The following ANKRD11 variants were observed in gnomAD, a reference collection of about 807,000 sequenced individuals.
ANKRD11 encodes the protein ankyrin repeat domain-containing protein 11.
ANKRD11 carries 17 observed loss-of-function variants against 195.7 expected under a neutral mutation model. The ratio of observed to expected loss-of-function variants is 0.09; its 90% CI spans 0.06 to 0.13. The LOEUF (loss-of-function observed/expected upper bound fraction) is 0.13, where lower values mean the gene tolerates loss of function less well. ANKRD11 is among the 10% of genes least tolerant of loss of function. The probability of loss-of-function intolerance (pLI) is 1.00; values close to 1 mark genes in which losing one functional copy is unlikely to be tolerated. For missense variants in ANKRD11, 3,735 were observed against 3,566.1 expected (o/e 1.05, Z -1.21); for synonymous variants, 1,953 against 1,528.1 (o/e 1.28, Z -6.49).
In ANKRD11 at chr16:89,356,759, C is replaced by T. The variant is rs1597771046; in HGVS notation, c.-59-39681G>A. Among the ~76,000 whole-genome samples, 3 of 132,318 alleles carry T rather than the reference C, an allele frequency of 2.3e-5. No individual in the cohort carries two copies. The South Asian group carries it at 7.0e-4, about 31-fold the overall frequency. 86.8% of individuals were successfully genotyped at this position (132,318 alleles called of 152,430 possible). ...TCGCACCACTGCACTCTAGCCTGGG[C>T]GACACAGCAAGACTCCGTCTCAAAA... On this transcript the variant is annotated intron_variant, in intron 2 of 12. Transcript: ENST00000301030.
rs368667754 is a variant in ANKRD11, at chr16:89,281,357, C to T, written c.5185G>A (p.Ala1729Thr). The T allele has an allele frequency of 3.4e-5, 55 of 1,610,644 alleles. No individual in the cohort carries two copies. The East Asian group carries it at 5.4e-4, about 16-fold the overall frequency. ...AACACGAGGTCCGCGTAGTCATCGG[C>T]GCTGCAGGACGGGGTCCTGGGCGTG... ...MHTPRTPSCS[A>T]DDYADLVFDC... The change falls in exon 9 of 13, where the codon GCC becomes ACC. Residue 1729 changes from alanine (A) to threonine (T), a missense_variant. Physicochemically the swap from Ala to Thr is moderately conservative, Grantham distance 58. Coordinates refer to ENST00000301030, the MANE Select transcript of ANKRD11 (RefSeq NM_013275.6). The surrounding 1 kb of genome is among the most constrained non-coding windows in gnomAD (Gnocchi z 5.5).
chr16:89,480,582 C>G (rs148040867), intron 1 of ANKRD11, among the ~76,000 whole-genome samples: 90 of 152,122 alleles, frequency 5.9e-4, no homozygotes, highest in African/African-American at 2.1e-3. Context: ...AAAACAAAAA[C>G]AAGTCCAAGA....
At position 89,382,511 on chromosome 16, in the gene ANKRD11, G is replaced by C. The variant is rs552044179; in HGVS notation, c.-60+35773C>G. ...TGGCTAATTTTTTGTATTTTTAATA[G>C]AGACGGGATTTCACCATGTTGGCCA... On this transcript the variant is annotated intron_variant, in intron 2 of 12. Coordinates refer to ENST00000301030, the MANE Select transcript of ANKRD11 (RefSeq NM_013275.6). Among the ~76,000 whole-genome samples, 6 of 151,774 alleles carry C rather than the reference G, an allele frequency of 4.0e-5. No individual in the cohort carries two copies. The East Asian group carries it at 1.2e-3, about 30-fold the overall frequency.
At chr16:89,366,479 C>T (rs1259832726) in intron 2 of ANKRD11, among the ~76,000 whole-genome samples, 4 of 152,188 alleles carry the variant, frequency 2.6e-5, no homozygotes, top group Non-Finnish European at 5.9e-5. Flanking sequence ...TCCACAGACT[C>T]GCCAGCATCT....
At chr16:89,359,111 T>A (rs2039616632) in intron 2 of ANKRD11, among the ~76,000 whole-genome samples, 1 of 152,166 alleles carries the variant, frequency 6.6e-6, no homozygotes, top group South Asian at 2.1e-4. Flanking sequence ...CCAAAATATA[T>A]AAAACATCAT....
chr16:89,269,768 G>C (rs2032974432), intron 12 of ANKRD11, among the ~76,000 whole-genome samples: 1 of 152,012 alleles, frequency 6.6e-6, no homozygotes, highest in Non-Finnish European at 1.5e-5. Context: ...GCTAATTTTT[G>C]TATTTTTACT....
At chr16:89,289,577 T>C (rs2034888365) in intron 6 of ANKRD11, among the ~76,000 whole-genome samples, 1 of 152,112 alleles carries the variant, frequency 6.6e-6, no homozygotes, top group African/African-American at 2.4e-5. Flanking sequence ...CCCAGCCCTG[T>C]GAAGTGAGGG....
At chr16:89,469,983 G>C (rs1359613688) in intron 1 of ANKRD11, among the ~76,000 whole-genome samples, 1 of 149,282 alleles carries the variant, frequency 6.7e-6, no homozygotes, top group Non-Finnish European at 1.5e-5. Context: ...TCGGCTCATT[G>C]CAACCTCCAC....
intron 1 of ANKRD11, among the ~76,000 whole-genome samples, chr16:89,424,002 C>G (rs1047392426): frequency 6.6e-6 from 1 of 151,880 alleles, no homozygotes. Flanking sequence ...GATAATGAAA[C>G]TCAGGCGACC....
chr16:89,325,039 T>C (rs2037619599), intron 2 of ANKRD11: 1 of 157,104 alleles, frequency 6.4e-6, no homozygotes, highest in African/African-American at 2.4e-5. Flanking sequence ...CACCTGGCAA[T>C]CTCTACTCAT....
intron 2 of ANKRD11, among the ~76,000 whole-genome samples, chr16:89,382,082 G>A (rs1456115693): frequency 1.3e-5 from 2 of 152,216 alleles, no homozygotes; most frequent in African/African-American, 4.8e-5. Flanking sequence ...TGGGGCCCAG[G>A]CAGGCGCCAC....
chr16:89,289,230 G>A (rs1213183812), intron 6 of ANKRD11, among the ~76,000 whole-genome samples: 3 of 152,104 alleles, frequency 2.0e-5, no homozygotes, highest in Admixed American at 2.0e-4. Flanking sequence ...AACAGAGCTC[G>A]GCCCCACGGA....
chr16:89,329,414 A>G (rs1429862747), intron 2 of ANKRD11, among the ~76,000 whole-genome samples: 2 of 152,240 alleles, frequency 1.3e-5, no homozygotes, highest in Non-Finnish European at 2.9e-5. Context: ...AAAAGGGAGA[A>G]AAAACACAAG....
In ANKRD11 at chr16:89,425,920, A is replaced by G. The variant is rs550677780; in HGVS notation, c.-144-7552T>C. 1.3e-4 allele frequency among the ~76,000 whole-genome samples: 20 copies of G among 152,330 alleles called. 1 individual carries two copies. The highest frequency in any genetic ancestry group is 1.2e-3 in the Admixed American group (18 of 15,306). On this transcript the variant is annotated intron_variant, in intron 1 of 12. Coordinates refer to ENST00000301030, the MANE Select transcript of ANKRD11 (RefSeq NM_013275.6). ...GGAAACAAAATGAATGTTCCCAAACAATTCTCTTTATACCATTTAGCAGAA... is the reference window on the plus strand; with the variant it reads ...GGAAACAAAATGAATGTTCCCAAACGATTCTCTTTATACCATTTAGCAGAA...
chr16:89,355,524 C>T (rs1012731154), intron 2 of ANKRD11, among the ~76,000 whole-genome samples: 1 of 152,194 alleles, frequency 6.6e-6, no homozygotes, highest in Non-Finnish European at 1.5e-5. Context: ...CCATGTCCGG[C>T]ACATGCTCTG....
In ANKRD11 at chr16:89,281,251, A is replaced by G. The variant is rs2034210879; in HGVS notation, c.5291T>C (p.Phe1764Ser). The part of the protein sequence containing the change: ...SACSPSFFDR[F>S]SVASSGLSEN... ...CGAAAGCCCACTTGAAGCCACGGAG[A>G]ACCTGTCGAAAAAGGAGGGGGAGCA... The change falls in exon 9 of 13, where the codon TTC (phenylalanine) becomes TCC (serine). Residue 1764 changes from phenylalanine to serine, a missense_variant. Phe to Ser is a radical substitution (Grantham distance 155). Coordinates refer to ENST00000301030, the MANE Select transcript of ANKRD11 (RefSeq NM_013275.6). This position sits in a 1 kb window ranked among gnomAD's most constrained non-coding sequence, Gnocchi z 5.5. 1.2e-6 allele frequency: 2 copies of G among 1,614,162 alleles called. No homozygotes were observed. The highest frequency in any genetic ancestry group is 1.7e-6 in the Non-Finnish European group (2 of 1,180,014).
chr16:89,432,944 A>ATCTCTCTCTCTCTC (rs56770747), intron 1 of ANKRD11, among the ~76,000 whole-genome samples: 14 of 108,648 alleles, frequency 1.3e-4, no homozygotes, highest in African/African-American at 2.3e-4. Context: ...CAGAGACCCT[A>ATCTCTCTCTCTCTC]TCTCTCTCTC....
intron 1 of ANKRD11, among the ~76,000 whole-genome samples, chr16:89,480,791 G>C (rs1265543610): frequency 1.3e-5 from 2 of 152,178 alleles, no homozygotes; most frequent in Non-Finnish European, 2.9e-5. Context: ...AAGTCATTTA[G>C]GCAACACATC....
At chr16:89,476,762 A>T (rs912926111) in intron 1 of ANKRD11, among the ~76,000 whole-genome samples, 10 of 152,228 alleles carry the variant, frequency 6.6e-5, no homozygotes, top group African/African-American at 2.4e-4. Flanking sequence ...CCCACCCCAA[A>T]CCACTTCATC....
Sources: allele counts gnomAD v4.1 joint callset (sites outside exome capture counted in the v4.1 genomes callset), GRCh38; gene constraint gnomAD v4.1.1; non-coding constraint Gnocchi (gnomAD v3.1); transcripts MANE v1.5; gene names NCBI Gene and HGNC (gene_info 2026-07-23, HGNC 2026-07-21).